EPHA3: variants seen among roughly 807,000 people sequenced by gnomAD.
EPHA3 encodes EPH receptor A3.
EPHA3 carries 42 observed loss-of-function variants against 107.1 expected under a neutral mutation model. That is an observed-to-expected ratio of 0.39 (90% confidence interval 0.31 to 0.51). The LOEUF (loss-of-function observed/expected upper bound fraction) is 0.51. Ranked by LOEUF, EPHA3 falls within the 20% of genes least tolerant of loss-of-function variation. The pLI is 0.78. For synonymous variants in EPHA3, 461 were observed against 424.8 expected, an observed-to-expected ratio of 1.09 and a Z score of -1.05; for missense variants, 1,183 against 1,211.2, an observed-to-expected ratio of 0.98 and a Z score of 0.35.
intron 2 of EPHA3, among the ~76,000 whole-genome samples, chr3:89,205,225 TA>T (rs1462080693): frequency 1.3e-5 from 2 of 152,110 alleles, no homozygotes; most frequent in Non-Finnish European, 2.9e-5. Flanking sequence ...AGCAAATAAA[TA>T]AAAATGTTTT....
intron 2 of EPHA3, among the ~76,000 whole-genome samples, chr3:89,182,995 T>C (rs1453018174): frequency 2.0e-5 from 3 of 151,968 alleles, no homozygotes; most frequent in African/African-American, 7.2e-5. Context: ...CTTGTCAGAA[T>C]GTCAGACATT....
intron 2 of EPHA3, among the ~76,000 whole-genome samples, chr3:89,154,083 G>A (rs1303530049): frequency 1.3e-4 from 19 of 151,976 alleles, no homozygotes; most frequent in South Asian, 1.0e-3. Flanking sequence ...TTGACCTCTC[G>A]TTGTGGCTTG....
chr3:89,131,539 A>T (rs1704207506), intron 2 of EPHA3, among the ~76,000 whole-genome samples: 1 of 152,192 alleles, frequency 6.6e-6, no homozygotes, highest in Admixed American at 6.5e-5. Flanking sequence ...TGGAGGAGAG[A>T]TCCAAGGAAG....
intron 13 of EPHA3, among the ~76,000 whole-genome samples, chr3:89,448,695 AAG>A (rs1450897820): frequency 2.0e-5 from 3 of 152,160 alleles, no homozygotes; most frequent in Non-Finnish European, 4.4e-5. Flanking sequence ...TATTGTGTTG[AAG>A]AGAGTTTTTT....
At chr3:89,443,745 G>A (rs1421656786) in intron 13 of EPHA3, among the ~76,000 whole-genome samples, 3 of 152,018 alleles carry the variant, frequency 2.0e-5, no homozygotes, top group African/African-American at 7.3e-5. Flanking sequence ...TGGTGAAGGG[G>A]GCCAGGTGGT....
At chr3:89,428,599 G>C (rs1426556213) in intron 11 of EPHA3, among the ~76,000 whole-genome samples, 1 of 151,870 alleles carries the variant, frequency 6.6e-6, no homozygotes, top group Non-Finnish European at 1.5e-5. Context: ...TAGAACTCGT[G>C]TAGAATCCAT....
chr3:89,342,941 T>C (rs1418900926), intron 5 of EPHA3, among the ~76,000 whole-genome samples: 1 of 151,658 alleles, frequency 6.6e-6, no homozygotes, highest in African/African-American at 2.4e-5. Context: ...AAGATGCCAC[T>C]CTGATTCTCC....
chr3:89,204,501 CACACA>C lies in EPHA3; in HGVS notation c.154-5358_154-5354del, dbSNP rs1559599059. ...CACACCACACACACACACACACACA[CACACA>C]CCCCAAACAAAAAAACAATTCTATT... On this transcript the variant is annotated intron_variant, in intron 2 of 16. Transcript: ENST00000336596. Among the ~76,000 whole-genome samples, 31 of 106,042 alleles carry C rather than the reference CACACA, an allele frequency of 2.9e-4. No homozygotes were observed. The South Asian group carries it at 3.6e-3, about 12-fold the overall frequency. 69.6% of individuals were successfully genotyped at this position (106,042 alleles called of 152,430 possible).
At chr3:89,298,258 A>G (rs1483435726) in intron 3 of EPHA3, among the ~76,000 whole-genome samples, 3 of 152,058 alleles carry the variant, frequency 2.0e-5, no homozygotes, top group African/African-American at 7.2e-5. Context: ...ACTTTTGCAA[A>G]TGGCCTTTCT....
rs1232337403 is a variant in EPHA3 at position 89,342,103 on chromosome 3, T to C, written c.1306+13T>C. ...ACTAATCAGGCTGGTGAGTACATAC[T>C]AGATGCTTCTTACTCTTATCATATC... On this transcript the variant is annotated intron_variant, in intron 5 of 16. Coordinates refer to ENST00000336596, the MANE Select transcript of EPHA3 (RefSeq NM_005233.6). 7 of 1,596,310 alleles carry C rather than the reference T, an allele frequency of 4.4e-6. No individual in the cohort carries two copies. The East Asian group carries it at 1.6e-4, about 36-fold the overall frequency.
At chr3:89,165,205 T>C (rs1253780727) in intron 2 of EPHA3, among the ~76,000 whole-genome samples, 1 of 152,156 alleles carries the variant, frequency 6.6e-6, no homozygotes, top group Admixed American at 6.5e-5. Context: ...GTAGCTACAA[T>C]TGAAACTCTG....
Position 89,210,364 on chromosome 3 carries a change from T to C in EPHA3, c.658T>C (p.Ser220Pro). The change falls in exon 3 of 17, where the codon TCC becomes CCC. Residue 220 changes from serine to proline, a missense_variant. Coordinates refer to ENST00000336596, the MANE Select transcript of EPHA3 (RefSeq NM_005233.6). The stretch of plus-strand genomic sequence containing the variant: ...GTTTCCAGACACGGTACCCATGGAC[T>C]CCCAGTCCCTGGTGGAGGTTAGAGG... ...AMFPDTVPMDSQSLVEVRGSC... is the reference protein window; with the variant it reads ...AMFPDTVPMDPQSLVEVRGSC... 1 of 1,613,840 alleles carries C rather than the reference T, an allele frequency of 6.2e-7. No individual in the cohort carries two copies. The highest frequency in any genetic ancestry group is 8.5e-7 in the Non-Finnish European group (1 of 1,179,878).
intron 2 of EPHA3, among the ~76,000 whole-genome samples, chr3:89,200,933 C>A (rs1390306051): frequency 6.6e-6 from 1 of 152,114 alleles, no homozygotes; most frequent in Non-Finnish European, 1.5e-5. Context: ...TGCCTTGTGC[C>A]CTGAGCTGCT....
chr3:89,248,007 C>T (rs1705076219), intron 3 of EPHA3, among the ~76,000 whole-genome samples: 1 of 152,158 alleles, frequency 6.6e-6, no homozygotes, highest in Admixed American at 6.6e-5. Flanking sequence ...ACTTGTCCCT[C>T]TGTTAATGAA....
intron 2 of EPHA3, among the ~76,000 whole-genome samples, chr3:89,198,180 T>C (rs1705891496): frequency 6.6e-6 from 1 of 152,108 alleles, no homozygotes; most frequent in Non-Finnish European, 1.5e-5. Flanking sequence ...TACATTTATA[T>C]TATTTTATAA....
intron 3 of EPHA3, among the ~76,000 whole-genome samples, chr3:89,249,623 G>C (rs1405092387): frequency 6.6e-6 from 1 of 151,810 alleles, no homozygotes; most frequent in Non-Finnish European, 1.5e-5. Context: ...ACCATGCCCT[G>C]CTAATTTTTG....
At chr3:89,250,874 G>A (rs748696076) in intron 3 of EPHA3, among the ~76,000 whole-genome samples, 1 of 152,100 alleles carries the variant, frequency 6.6e-6, no homozygotes, top group Admixed American at 6.6e-5. Context: ...CTTAATGAAT[G>A]CTTGGTGATA....
chr3:89,184,448 G>T (rs1023797164), intron 2 of EPHA3, among the ~76,000 whole-genome samples: 1 of 151,986 alleles, frequency 6.6e-6, no homozygotes, highest in Non-Finnish European at 1.5e-5. Context: ...TTACATTCCG[G>T]TTGTTTTGAA....
intron 13 of EPHA3, among the ~76,000 whole-genome samples, chr3:89,441,519 A>G (rs974244482): frequency 6.6e-6 from 1 of 152,206 alleles, no homozygotes. Flanking sequence ...TTCATAAATA[A>G]TTGTTATAGT....
Sources: gnomAD v4.1 joint callset for allele counts (sites outside exome capture counted in the v4.1 genomes callset) on GRCh38, gnomAD v4.1.1 for gene constraint, MANE v1.5 for transcripts, NCBI Gene and HGNC (gene_info 2026-07-23, HGNC 2026-07-21) for gene names.